PKD1: variants seen among roughly 807,000 people sequenced by gnomAD.
PKD1 encodes polycystin-1.
Under a neutral mutation model 361.7 loss-of-function variants are expected in PKD1, and 81 were observed. The ratio of observed to expected loss-of-function variants is 0.22; its 90% CI spans 0.19 to 0.27. The LOEUF is 0.27. Ranked by LOEUF, PKD1 falls within the 10% of genes least tolerant of loss-of-function variation. PKD1 has a pLI of 1.00. For missense variants in PKD1, 6,399 were observed against 6,118.3 expected, an observed-to-expected ratio of 1.05 and a Z score of -1.53; for synonymous variants, 3,615 against 2,818.3, an observed-to-expected ratio of 1.28 and a Z score of -8.95.
At chr16:2,104,802 G>A (rs13329694) in intron 21 of PKD1, among the ~76,000 whole-genome samples, 160 bp from the exon 22 acceptor site, 3,309 of 142,510 alleles carry the variant, frequency 0.023, 138 homozygotes, top group African/African-American at 0.084. Context: ...ATTTTCTGTG[G>A]CTCTGCATGA....
rs1385571300 is a variant in PKD1 at position 2,106,621 on chromosome 16, T to C, written c.7266A>G (p.Thr2422=). The C allele has an allele frequency of 6.3e-7, 1 of 1,598,616 alleles. No individual in the cohort carries two copies. Among genetic ancestry groups the C allele is most frequent in the Non-Finnish European group, 8.5e-7 (1 of 1,179,094 alleles). The change falls in exon 18 of 46, where the codon ACA becomes ACG. Residue 2422 remains threonine (T), a synonymous_variant. Coordinates refer to ENST00000262304, the MANE Select transcript of PKD1 (RefSeq NM_001009944.3). The surrounding 1 kb of genome is among the most constrained non-coding windows in gnomAD (Gnocchi z 6.5). Reference sequence around the variant, plus strand: ...GTCGCATGCCTGCACTGCCCGTGGATGTGGTGGTCTCATCCAGCACCAGCG... The same window carrying C: ...GTCGCATGCCTGCACTGCCCGTGGACGTGGTGGTCTCATCCAGCACCAGCG... ...NKTLVLDETT[T]STGSAGMRLV...
At chr16:2,130,980 C>T (rs2092869105) in intron 1 of PKD1, among the ~76,000 whole-genome samples, 1 of 151,856 alleles carries the variant, frequency 6.6e-6, no homozygotes, top group Non-Finnish European at 1.5e-5. Context: ...GAGCAGGGGG[C>T]CCTGAGCTGA....
chr16:2,112,873 T>G lies in PKD1; in HGVS notation c.3076A>C (p.Thr1026Pro). Reference protein sequence around the residue: ...MNRMQGLQVSTVPAVLSPNAT... With the variant: ...MNRMQGLQVSPVPAVLSPNAT... ...TTGGGGGACAGCACGGCCGGCACTG[T>G]GGAGACCTGCAGACCCTGCATCCTG... The change falls in exon 13 of 46, where the codon ACA (threonine) becomes CCA (proline). Residue 1026 changes from threonine (T) to proline (P), a missense_variant. Physicochemically the swap from Thr to Pro is conservative, Grantham distance 38. Transcript: ENST00000262304. The G allele has an allele frequency of 6.2e-7, 1 of 1,606,930 alleles. No individual in the cohort carries two copies. Among genetic ancestry groups the G allele is most frequent in the South Asian group, 1.1e-5 (1 of 90,990 alleles).
rs368722636 is a variant in PKD1 at position 2,103,388 on chromosome 16, G to C, written c.8669C>G (p.Ser2890Cys). 6.2e-7 allele frequency: 1 copy of C among 1,600,096 alleles called. No individual in the cohort carries two copies. The highest frequency in any genetic ancestry group is 8.5e-7 in the Non-Finnish European group (1 of 1,179,516). Residue 2890 changes from serine to cysteine, a missense_variant, in exon 23 of 46, where the codon TCC becomes TGC. Ser to Cys is a moderately radical substitution (Grantham distance 112). Transcript: ENST00000262304. ...CACAACGGAGTTGGCGGAGTTGGCGGAGCTGCGGTGGCCCCGGGCAGCCCA... is the reference window on the plus strand; with the variant it reads ...CACAACGGAGTTGGCGGAGTTGGCGCAGCTGCGGTGGCCCCGGGCAGCCCA... ...SDWAARGHRS[S>C]ANSANSVVVQ...
chr16:2,099,263 G>A (rs184617908), intron 30 of PKD1: 31 of 357,656 alleles, frequency 8.7e-5, no homozygotes, highest in Middle Eastern at 1.0e-3. Context: ...CACCCGGCCC[G>A]GCCACTGGGA....
rs771167402 is a variant in PKD1, at chr16:2,090,516, G to C, written c.12213C>G (p.Leu4071=). The part of the protein sequence containing the change: ...ALLVLCPGTG[L]STLCPAESWH... ...AGGACTCGGCAGGACACAGGGTAGA[G>C]AGCCCAGTCCCAGGGCACAGCACCA... is the stretch of plus-strand genomic sequence containing the variant. The change falls in exon 45 of 46, where the codon CTC becomes CTG. Residue 4071 remains leucine, a synonymous_variant. Coordinates refer to ENST00000262304, the MANE Select transcript of PKD1 (RefSeq NM_001009944.3). 1.9e-6 allele frequency: 3 copies of C among 1,611,064 alleles called. No homozygotes were observed. Among genetic ancestry groups the C allele is most frequent in the East Asian group, 2.2e-5 (1 of 44,838 alleles).
rs552292318 is a variant in PKD1, at chr16:2,111,823, G to A, written c.3344C>T (p.Thr1115Met). The change falls in exon 15 of 46, where the codon ACG becomes ATG. Residue 1115 changes from threonine (T) to methionine (M), a missense_variant. Transcript: ENST00000262304. ...GCGCACGCTCACAGGCACCTGCTGC[G>A]TCAGGTTCTCGAAGGCATTAGATGC... ...VLASNAFENLTQQVPVSVRAS... is the reference protein window; with the variant it reads ...VLASNAFENLMQQVPVSVRAS... 1.8e-4 allele frequency: 286 copies of A among 1,610,060 alleles called. 2 individuals carry two copies. In the South Asian group the frequency reaches 2.6e-3, roughly 14 times the overall value.
chr16:2,091,516 G>T lies in PKD1; in HGVS notation c.11619C>A (p.Phe3873Leu), dbSNP rs1393099817. ...CGGCCAGGGCGCGGCCGGCCGCCGG[G>T]AACTCGAGGCGCAGCGTGACGGCGG... Reference protein sequence around the residue: ...LHAAVTLRLEFPAAGRALAAL... With the variant: ...LHAAVTLRLELPAAGRALAAL... Residue 3873 changes from phenylalanine (F) to leucine (L), a missense_variant, in exon 42 of 46, where the codon TTC becomes TTA. By Grantham distance (22) the Phe-to-Leu change is conservative. Transcript: ENST00000262304. The T allele has an allele frequency of 1.4e-6, 2 of 1,463,690 alleles. No homozygotes were observed. The highest frequency in any genetic ancestry group is 1.5e-5 in the African/African-American group (1 of 67,036). 90.7% of individuals were successfully genotyped at this position (1,463,690 alleles called of 1,614,324 possible). A position where few individuals can be genotyped will look rare whatever the true frequency, so the allele number is the denominator to read the frequency against.
Position 2,108,611 on chromosome 16 carries a change from G to T in PKD1, c.6556C>A (p.Arg2186Ser). ...RDCVTYQTEY[R>S]WEVYRTASCQ... is the part of the protein sequence containing the mutation. ...CTGGCGGTGCGATACACCTCCCAGC[G>T]GTACTCAGTCTGGTAGGTGACGCAG... Residue 2186 changes from arginine to serine, a missense_variant, in exon 15 of 46, where the codon CGC becomes AGC. Coordinates refer to ENST00000262304, the MANE Select transcript of PKD1 (RefSeq NM_001009944.3). 1 of 1,558,888 alleles carries T rather than the reference G, an allele frequency of 6.4e-7. No individual in the cohort carries two copies.
rs755022166 is a variant in PKD1, at chr16:2,091,142, G to C, written c.11745C>G (p.Ala3915=). Residue 3915 remains alanine, a synonymous_variant, in exon 43 of 46, where the codon GCC becomes GCG. Transcript: ENST00000262304. The part of the protein sequence containing the change: ...VCLLLFAVHF[A]VAEARTWHRE... ...TGTGCCAAGTACGGGCCTCGGCCAC[G>C]GCGAAGTGCACGGCGAACAGCAGCA... The C allele has an allele frequency of 2.9e-5, 43 of 1,481,960 alleles. 1 individual carries two copies. Among genetic ancestry groups the C allele is most frequent in the African/African-American group, 1.5e-4 (10 of 68,194 alleles). The allele number at this position is 1,481,960 out of a possible 1,614,324, so 91.8% of individuals were successfully genotyped here.
chr16:2,108,547 G>A lies in PKD1; in HGVS notation c.6620C>T (p.Pro2207Leu), dbSNP rs773966220. ...RPGRPARVAL[P>L]GVDVSRPRLV... ...CCGAGGCCGGCTCACGTCCACGCCGGGCAGGGCCACACGCGCTGGGCGCCC... is the reference window on the plus strand; with the variant it reads ...CCGAGGCCGGCTCACGTCCACGCCGAGCAGGGCCACACGCGCTGGGCGCCC... The change falls in exon 15 of 46, where the codon CCC (proline) becomes CTC (leucine). Residue 2207 changes from proline to leucine, a missense_variant. Coordinates refer to ENST00000262304, the MANE Select transcript of PKD1 (RefSeq NM_001009944.3). 1.1e-5 allele frequency: 17 copies of A among 1,605,356 alleles called. No individual in the cohort carries two copies. Among genetic ancestry groups the A allele is most frequent in the Non-Finnish European group, 1.4e-5 (16 of 1,177,130 alleles).
rs963532477 is a variant in PKD1, at chr16:2,135,608, G to A, written c.82C>T (p.Arg28Cys). 17 of 998,690 alleles carry A rather than the reference G, an allele frequency of 1.7e-5. No homozygotes were observed. The highest frequency in any genetic ancestry group is 9.8e-4 in the Middle Eastern group (2 of 2,044). The allele number at this position is 998,690 out of a possible 1,614,324, so 61.9% of individuals were successfully genotyped here. ...GGGGGCTCGCAGGGCCCGCAGCCGC[G>A]CCCGGGGCCCCCCGCCAGCGCCCCG... is the stretch of plus-strand genomic sequence containing the variant. ...WLGALAGGPG[R>C]GCGPCEPPCL... is the part of the protein sequence containing the mutation. Residue 28 changes from arginine (R) to cysteine (C), a missense_variant, in exon 1 of 46, where the codon CGC becomes TGC. Transcript: ENST00000262304.
Position 2,119,819 on chromosome 16 carries a change from C to T in PKD1, c.216-441G>A, listed in dbSNP as rs1489792721. 3 of 695,138 alleles carry T rather than the reference C, an allele frequency of 4.3e-6. No homozygotes were observed. In the East Asian group the frequency reaches 8.1e-5, roughly 19 times the overall value. 43.1% of individuals were successfully genotyped at this position (695,138 alleles called of 1,614,324 possible). ...CCAACAGGGTGGTCCCACTGTGGGA[C>T]CACAACCAGGTATGACTGTGTGAGA... is the stretch of plus-strand genomic sequence containing the variant. On this transcript the variant is annotated intron_variant, in intron 1 of 45. Transcript: ENST00000262304.
Position 2,113,180 on chromosome 16 carries a change from G to A in PKD1, c.2966C>T (p.Ala989Val), listed in dbSNP as rs951742398. ...ACCTACTGAGAGCTTGAAGACCGCC[G>A]CGCTCTGATAAATGACATTGAAGAC... is the stretch of plus-strand genomic sequence containing the variant. ...NVVFNVIYQS[A>V]AVFKLSLTAS... The change falls in exon 12 of 46, where the codon GCG becomes GTG. Residue 989 changes from alanine (A) to valine (V), a missense_variant. Coordinates refer to ENST00000262304, the MANE Select transcript of PKD1 (RefSeq NM_001009944.3). The A allele has an allele frequency of 7.6e-5, 80 of 1,055,214 alleles. No individual in the cohort carries two copies. The highest frequency in any genetic ancestry group is 9.2e-5 in the Non-Finnish European group (64 of 692,326). 65.4% of individuals were successfully genotyped at this position (1,055,214 alleles called of 1,614,324 possible). A position where few individuals can be genotyped will look rare whatever the true frequency, so the allele number is the denominator to read the frequency against.
In PKD1 at chr16:2,118,302, G is replaced by A; in HGVS notation, c.690C>T (p.Cys230=). Residue 230 remains cysteine, a synonymous_variant, in exon 5 of 46, where the codon TGC becomes TGT. Coordinates refer to ENST00000262304, the MANE Select transcript of PKD1 (RefSeq NM_001009944.3). The surrounding 1 kb of genome is among the most constrained non-coding windows in gnomAD (Gnocchi z 6.0). ...TGGAGGGCTGGGCCGCCCCACACAG[G>A]CACCAGCCCTGCTCCGAGAGGGCTG... ...GLAALSEQGW[C]LCGAAQPSSA... The A allele has an allele frequency of 6.5e-7, 1 of 1,526,972 alleles. No homozygotes were observed. Among genetic ancestry groups the A allele is most frequent in the Non-Finnish European group, 8.8e-7 (1 of 1,140,452 alleles). The allele number at this position is 1,526,972 out of a possible 1,614,324, so 94.6% of individuals were successfully genotyped here.
chr16:2,097,353 G>A lies in PKD1; in HGVS notation c.10371C>T (p.Ser3457=), dbSNP rs759034846. The A allele has an allele frequency of 1.8e-5, 29 of 1,612,330 alleles. No individual in the cohort carries two copies. In the East Asian group the frequency reaches 6.0e-4, roughly 33 times the overall value. Residue 3457 remains serine, a synonymous_variant, in exon 33 of 46, where the codon AGC becomes AGT. Transcript: ENST00000262304. ...AGAAGGATTTGGCAGGCGAGTAGGG[G>A]CTGGCCAGGGAGAAGCCGTCCTCCT... ...GPEEDGFSLA[S]PYSPAKSFSA...
At chr16:2,091,742 T>C in intron 41 of PKD1, 39 bp downstream of exon 41, 1 of 1,605,036 alleles carries the variant, frequency 6.2e-7, no homozygotes, top group Non-Finnish European at 8.5e-7. Flanking sequence ...GGCTGGTGAC[T>C]GCGGCCACCC....
chr16:2,107,585 G>A (rs964364009), intron 16 of PKD1: 6 of 503,566 alleles, frequency 1.2e-5, no homozygotes, highest in African/African-American at 7.7e-5. Context: ...CAGGGACATG[G>A]GCTGGGGACA....
intron 21 of PKD1, among the ~76,000 whole-genome samples, chr16:2,104,853 G>A (rs534918059): frequency 8.5e-5 from 11 of 129,494 alleles, no homozygotes; most frequent in Non-Finnish European, 1.5e-4. Flanking sequence ...GCAGCCCACC[G>A]ACCACACAAG....
Sources: gnomAD v4.1 joint callset for allele counts (sites outside exome capture counted in the v4.1 genomes callset) on GRCh38, gnomAD v4.1.1 for gene constraint, Gnocchi (gnomAD v3.1) non-coding constraint, MANE v1.5 for transcripts, NCBI Gene and HGNC (gene_info 2026-07-23, HGNC 2026-07-21) for gene names.